Variants in RAD51AP1 observed in about 807,000 individuals in gnomAD.
RAD51AP1 encodes RAD51 associated protein 1.
RAD51AP1 carries 14 observed loss-of-function variants against 34.3 expected under a neutral mutation model. That is an observed-to-expected ratio of 0.41 (90% CI 0.27 to 0.64). The LOEUF (loss-of-function observed/expected upper bound fraction) is 0.64, where lower values mean the gene tolerates loss of function less well. Ranked by LOEUF, RAD51AP1 falls within the 30% of genes least tolerant of loss-of-function variation. RAD51AP1 has a pLI of 0.33. For missense variants in RAD51AP1, 348 were observed against 386.9 expected (o/e 0.90, Z 0.84); for synonymous variants, 114 against 129.8 (o/e 0.88, Z 0.83).
At position 4,543,893 on chromosome 12, in the gene RAD51AP1, C is replaced by T. The variant is rs376833235; in HGVS notation, c.198C>T (p.Thr66=). The T allele has an allele frequency of 6.2e-7, 1 of 1,605,580 alleles. No homozygotes were observed. The highest frequency in any genetic ancestry group is 1.3e-5 in the African/African-American group (1 of 74,124). ...RKEEIPVQEK[T]PKKRMALDDK... ...AAGAAATCCCAGTACAAGAGAAAAC[C>T]CCTAAAAAAAGGTGAGAGGTAAGAC... Residue 66 remains threonine (T), a synonymous_variant, in exon 3 of 9, where the codon ACC becomes ACT. Coordinates refer to ENST00000352618, the MANE Select transcript of RAD51AP1 (RefSeq NM_006479.5).
rs952700983 is a variant in RAD51AP1, at chr12:4,541,935, T to G, written c.67+2T>G. On this transcript the variant is annotated splice_donor_variant, in intron 2 of 8. Transcript: ENST00000352618. LOFTEE classifies it high-confidence loss of function. Reference sequence around the variant, plus strand: ...AGTTTGACCACTCTGACAGTGATGGTAAGTAAAGCTTCTTATTTTTGTTCT... The same window carrying G: ...AGTTTGACCACTCTGACAGTGATGGGAAGTAAAGCTTCTTATTTTTGTTCT... 4.6e-6 allele frequency: 7 copies of G among 1,511,262 alleles called. No individual in the cohort carries two copies. In the African/African-American group the frequency reaches 9.8e-5, roughly 21 times the overall value. The allele number at this position is 1,511,262 out of a possible 1,614,324, so 93.6% of individuals were successfully genotyped here. A position where few individuals can be genotyped will look rare whatever the true frequency, so the allele number is the denominator to read the frequency against.
chr12:4,549,250 A>G (rs187895697), intron 6 of RAD51AP1, among the ~76,000 whole-genome samples: 14 of 152,314 alleles, frequency 9.2e-5, no homozygotes, highest in African/African-American at 2.4e-4. Flanking sequence ...GGTAGTAGAA[A>G]TCCATGAATT....
At chr12:4,544,324 C>A (rs1475831883) in intron 3 of RAD51AP1, among the ~76,000 whole-genome samples, 1 of 152,060 alleles carries the variant, frequency 6.6e-6, no homozygotes, top group Non-Finnish European at 1.5e-5. Context: ...GTCTTCTCCC[C>A]ATGTTGTTAA....
chr12:4,545,575 GA>G, intron 3 of RAD51AP1, among the ~76,000 whole-genome samples: 1 of 152,250 alleles, frequency 6.6e-6, no homozygotes, highest in East Asian at 1.9e-4. Context: ...TATATCTTAA[GA>G]AAACTGTTAT....
rs11063218 is a variant in RAD51AP1, at chr12:4,541,894, C to G, written c.28C>G (p.Pro10Ala). 1.2e-3 allele frequency: 1,803 copies of G among 1,510,328 alleles called. 30 individuals carry two copies. The African/African-American group carries it at 0.021, about 18-fold the overall frequency. The allele number at this position is 1,510,328 out of a possible 1,614,324, so 93.6% of individuals were successfully genotyped here. A position where few individuals can be genotyped will look rare whatever the true frequency, so the allele number is the denominator to read the frequency against. Reference sequence around the variant, plus strand: ...CTGTTTTGGTCATAGACATAAGAAACCAGTCAATTACTCACAGTTTGACCA... The same window carrying G: ...CTGTTTTGGTCATAGACATAAGAAAGCAGTCAATTACTCACAGTTTGACCA... MVRPVRHKK[P>A]VNYSQFDHSD... The change falls in exon 2 of 9, where the codon CCA becomes GCA. Residue 10 changes from proline (P) to alanine (A), a missense_variant. By Grantham distance (27) the Pro-to-Ala change is conservative. Coordinates refer to ENST00000352618, the MANE Select transcript of RAD51AP1 (RefSeq NM_006479.5).
At chr12:4,545,878 GA>G (rs1944502523) in intron 3 of RAD51AP1, 1 of 1,581,094 alleles carries the variant, frequency 6.3e-7, no homozygotes, top group East Asian at 2.2e-5. Flanking sequence ...TTGGGAGGAA[GA>G]GATGTAAAAA....
At chr12:4,539,876 G>T (rs1034556218) in intron 1 of RAD51AP1, among the ~76,000 whole-genome samples, 3 of 152,162 alleles carry the variant, frequency 2.0e-5, no homozygotes, top group Non-Finnish European at 4.4e-5. Flanking sequence ...GGAAGTCAGT[G>T]GAGGGTTTTA....
At chr12:4,540,553 TAA>T (rs34322898) in intron 1 of RAD51AP1, among the ~76,000 whole-genome samples, 48 of 125,058 alleles carry the variant, frequency 3.8e-4, no homozygotes, top group Middle Eastern at 4.2e-3. Flanking sequence ...CTCTTAAAAG[TAA>T]AAAAAAAAAA....
chr12:4,545,813 AG>A, intron 3 of RAD51AP1: 1 of 1,613,246 alleles, frequency 6.2e-7, no homozygotes, highest in Non-Finnish European at 8.5e-7. Context: ...TATTCCAGCT[AG>A]TGCAGTGCCT....
intron 1 of RAD51AP1, 136 bp from the exon 2 acceptor site, chr12:4,541,748 T>C (rs1334803911): frequency 4.2e-5 from 12 of 283,136 alleles, no homozygotes; most frequent in African/African-American, 6.7e-5. Context: ...AACACATTTT[T>C]ATTTATTTCG....
chr12:4,541,832 G>C (rs370133800), intron 1 of RAD51AP1, 52 bp from the exon 2 acceptor site: 1 of 875,694 alleles, frequency 1.1e-6, no homozygotes, highest in Non-Finnish European at 1.7e-6. Context: ...TTAAGTAATA[G>C]TGGTGAGAAA....
intron 7 of RAD51AP1, among the ~76,000 whole-genome samples, chr12:4,554,970 C>G (rs928834634): frequency 6.6e-6 from 1 of 152,088 alleles, no homozygotes; most frequent in East Asian, 1.9e-4. Context: ...ATATGGCTAG[C>G]GGCTACCATA....
intron 6 of RAD51AP1, among the ~76,000 whole-genome samples, chr12:4,549,211 G>A (rs998763851): frequency 2.0e-5 from 3 of 152,122 alleles, no homozygotes; most frequent in African/African-American, 7.2e-5. Flanking sequence ...CAGACCCACT[G>A]GAAGAAGTGT....
At position 4,548,190 on chromosome 12, in the gene RAD51AP1, A is replaced by G; in HGVS notation, c.406+12A>G. The stretch of plus-strand genomic sequence containing the variant: ...CAGTGATTATTTAGGTAAGTTTTTT[A>G]TATTAATAATTTTTCTCATCAACAA... On this transcript the variant is annotated intron_variant, in intron 5 of 8. Transcript: ENST00000352618. 1 of 1,587,236 alleles carries G rather than the reference A, an allele frequency of 6.3e-7. No individual in the cohort carries two copies. The highest frequency in any genetic ancestry group is 2.3e-5 in the East Asian group (1 of 44,214).
chr12:4,557,193 T>C (rs1186983091), intron 8 of RAD51AP1, among the ~76,000 whole-genome samples: 2 of 152,244 alleles, frequency 1.3e-5, no homozygotes, highest in Non-Finnish European at 2.9e-5. Flanking sequence ...ACATGTTGTA[T>C]GTATGCCTCT....
At chr12:4,552,133 A>G (rs962256462) in intron 6 of RAD51AP1, among the ~76,000 whole-genome samples, 1 of 152,078 alleles carries the variant, frequency 6.6e-6, no homozygotes, top group Non-Finnish European at 1.5e-5. Context: ...TGATTTAAGC[A>G]TTTTCTGCAA....
Position 4,541,985 on chromosome 12 carries a change from G to A in RAD51AP1, c.67+52G>A, listed in dbSNP as rs371924440. ...TAAAGATTTGGAAACTCATTTCCTC[G>A]GAATTTATATGACATATATAGCTCA... On this transcript the variant is annotated intron_variant, in intron 2 of 8. Transcript: ENST00000352618. The A allele has an allele frequency of 3.0e-3, 3,745 of 1,240,468 alleles. 8 individuals are homozygous for A. Among genetic ancestry groups the A allele is most frequent in the Non-Finnish European group, 3.8e-3 (3,416 of 901,578 alleles). 76.8% of individuals were successfully genotyped at this position (1,240,468 alleles called of 1,614,324 possible). A position where few individuals can be genotyped will look rare whatever the true frequency, so the allele number is the denominator to read the frequency against.
chr12:4,554,316 A>G (rs1252460423), intron 7 of RAD51AP1, among the ~76,000 whole-genome samples: 3 of 152,178 alleles, frequency 2.0e-5, no homozygotes, highest in Non-Finnish European at 4.4e-5. Flanking sequence ...ACGTTTACTT[A>G]TAAGGACCCT....
chr12:4,553,297 G>A lies in RAD51AP1; in HGVS notation c.721+150G>A, dbSNP rs60928500. The A allele has an allele frequency of 3.7e-3, 2,176 of 586,096 alleles. 49 individuals are homozygous for A. The African/African-American group carries it at 0.039, about 10-fold the overall frequency. 36.3% of individuals were successfully genotyped at this position (586,096 alleles called of 1,614,324 possible). ...GTAAAAGGAAGGTGGGGTGGGGAAG[G>A]GAGAAAAGCGGACAAGAATGCTGAC... On this transcript the variant is annotated intron_variant, in intron 7 of 8. Transcript: ENST00000352618.
Sources: gnomAD v4.1 joint callset for allele counts (sites outside exome capture counted in the v4.1 genomes callset) on GRCh38, gnomAD v4.1.1 for gene constraint, MANE v1.5 for transcripts, NCBI Gene and HGNC (gene_info 2026-07-23, HGNC 2026-07-21) for gene names.